The following EBF2 variants were observed in gnomAD, a reference collection of about 807,000 sequenced individuals.
The protein encoded by EBF2 is EBF transcription factor 2, also known as transcription factor COE2.
In EBF2, 21 loss-of-function variants were observed where a neutral mutation model predicts 72.8. The ratio of observed to expected loss-of-function variants is 0.29; its 90% CI spans 0.20 to 0.42. EBF2 has a LOEUF of 0.42. Ranked by LOEUF, EBF2 falls within the 10% of genes least tolerant of loss-of-function variation. The probability of loss-of-function intolerance (pLI) is 1.00; values close to 1 mark genes in which losing one functional copy is unlikely to be tolerated. For missense variants in EBF2, 637 were observed against 731.2 expected (o/e 0.87, Z 1.49); for synonymous variants, 299 against 274.2 (o/e 1.09, Z -0.89).
chr8:25,846,365 G>A (rs976695828), intron 15 of EBF2, among the ~76,000 whole-genome samples: 1 of 152,096 alleles, frequency 6.6e-6, no homozygotes, highest in Non-Finnish European at 1.5e-5. Flanking sequence ...CATGCTGTAT[G>A]TGGAGCTCTC....
At chr8:25,867,037 A>G (rs1802343458) in intron 10 of EBF2, among the ~76,000 whole-genome samples, 2 of 152,296 alleles carry the variant, frequency 1.3e-5, no homozygotes, top group South Asian at 4.1e-4. Flanking sequence ...TTAATACCAG[A>G]TTCAACCATT....
intron 6 of EBF2, among the ~76,000 whole-genome samples, chr8:26,003,193 T>A (rs4573292): frequency 0.66 from 99,666 of 151,870 alleles, 33,269 homozygotes; most frequent in African/African-American, 0.76. Flanking sequence ...CTGGGAGGGT[T>A]CCATGGATAA....
At chr8:25,917,311 T>C (rs1266039266) in intron 6 of EBF2, among the ~76,000 whole-genome samples, 1 of 152,084 alleles carries the variant, frequency 6.6e-6, no homozygotes, top group African/African-American at 2.4e-5. Context: ...GGAAAAGTCC[T>C]TGTTTTTGTA....
chr8:26,023,264 G>T (rs1205311855), intron 6 of EBF2, among the ~76,000 whole-genome samples: 1 of 152,158 alleles, frequency 6.6e-6, no homozygotes, highest in Non-Finnish European at 1.5e-5. Context: ...AAGCCAGCTG[G>T]ATAAGTTTGC....
intron 6 of EBF2, among the ~76,000 whole-genome samples, chr8:25,991,054 G>A (rs1327189591): frequency 6.6e-6 from 1 of 152,086 alleles, no homozygotes; most frequent in Admixed American, 6.5e-5. Context: ...TTTGAATACA[G>A]TTTTCTCATC....
chr8:25,986,480 C>T (rs556287423), intron 6 of EBF2, among the ~76,000 whole-genome samples: 125 of 152,308 alleles, frequency 8.2e-4, no homozygotes, highest in Non-Finnish European at 1.6e-3. Context: ...GTCATGTCCA[C>T]CACGGCACCA....
At chr8:25,869,759 A>C (rs1668226461) in intron 10 of EBF2, among the ~76,000 whole-genome samples, 1 of 152,206 alleles carries the variant, frequency 6.6e-6, no homozygotes, top group Non-Finnish European at 1.5e-5. Context: ...AATATGCAAT[A>C]GTGAAAATCA....
chr8:26,026,961 C>G (rs913294139), intron 6 of EBF2, among the ~76,000 whole-genome samples: 1 of 152,186 alleles, frequency 6.6e-6, no homozygotes, highest in African/African-American at 2.4e-5. Context: ...GCCCAACATA[C>G]AATAAGTGCC....
intron 6 of EBF2, among the ~76,000 whole-genome samples, chr8:25,997,229 G>A (rs749357470): frequency 2.0e-5 from 3 of 151,994 alleles, no homozygotes; most frequent in Admixed American, 6.6e-5. Context: ...AAGCCCCAAA[G>A]ACACATTCTC....
At chr8:26,002,987 C>A (rs937656573) in intron 6 of EBF2, among the ~76,000 whole-genome samples, 1 of 151,754 alleles carries the variant, frequency 6.6e-6, no homozygotes, top group Admixed American at 6.6e-5. Context: ...TGGACAGCTC[C>A]CAGACAGCTC....
In EBF2 at chr8:25,844,527, C is replaced by G; in HGVS notation, c.*82G>C. The G allele has an allele frequency of 6.5e-7, 1 of 1,534,282 alleles. No homozygotes were observed. Among genetic ancestry groups the G allele is most frequent in the Non-Finnish European group, 9.0e-7 (1 of 1,108,804 alleles). On this transcript the variant is annotated 3_prime_UTR_variant, in exon 16 of 16. Coordinates refer to ENST00000520164, the MANE Select transcript of EBF2 (RefSeq NM_022659.4). ...ATGTTCATGTGGGGGCACCACTACA[C>G]CCCCAAAAGAGCTCCTAGTGCTTTC... is the stretch of plus-strand genomic sequence containing the variant.
chr8:26,032,982 A>C, intron 6 of EBF2, 103 bp downstream of exon 6: 1 of 1,163,670 alleles, frequency 8.6e-7, no homozygotes, highest in Non-Finnish European at 1.3e-6. Context: ...TTGAAATAAC[A>C]TGAAACCAAC....
At chr8:26,004,917 G>A (rs558581371) in intron 6 of EBF2, among the ~76,000 whole-genome samples, 11 of 151,666 alleles carry the variant, frequency 7.3e-5, no homozygotes, top group African/African-American at 2.7e-4. Context: ...TATTCCTAAA[G>A]AATAGAACAG....
intron 6 of EBF2, among the ~76,000 whole-genome samples, chr8:26,015,797 C>G (rs1025562286): frequency 1.3e-5 from 2 of 152,172 alleles, no homozygotes; most frequent in Non-Finnish European, 2.9e-5. Context: ...TGTGGCAAAG[C>G]CTAGGCCAAT....
chr8:25,997,777 G>C (rs920758035), intron 6 of EBF2, among the ~76,000 whole-genome samples: 2 of 151,982 alleles, frequency 1.3e-5, no homozygotes, highest in Non-Finnish European at 2.9e-5. Context: ...TTAGACTATG[G>C]GGCAATCCCA....
At position 25,882,238 on chromosome 8, in the gene EBF2, G is replaced by C. The variant is rs147136331; in HGVS notation, c.1009+4517C>G. 2.6e-5 allele frequency among the ~76,000 whole-genome samples: 4 copies of C among 152,292 alleles called. No individual in the cohort carries two copies. In the East Asian group the frequency reaches 7.7e-4, roughly 29 times the overall value. Reference sequence around the variant, plus strand: ...GCCTGCCCGTCTGCATGCTCCCCTAGAGGTCTGAACAGTGAGGCACTGAAG... The same window carrying C: ...GCCTGCCCGTCTGCATGCTCCCCTACAGGTCTGAACAGTGAGGCACTGAAG... On this transcript the variant is annotated intron_variant, in intron 10 of 15. Transcript: ENST00000520164.
Position 26,041,124 on chromosome 8 carries a change from C to A in EBF2, c.289-122G>T, listed in dbSNP as rs182146952. ...CATCAAAAGGCAGCTTTGAGTAACCCCCTGTTCAGCCCTAGGTCAAAGGGC... is the reference window on the plus strand; with the variant it reads ...CATCAAAAGGCAGCTTTGAGTAACCACCTGTTCAGCCCTAGGTCAAAGGGC... On this transcript the variant is annotated intron_variant, in intron 2 of 15. Coordinates refer to ENST00000520164, the MANE Select transcript of EBF2 (RefSeq NM_022659.4). 95 of 1,094,594 alleles carry A rather than the reference C, an allele frequency of 8.7e-5. No individual in the cohort carries two copies. The African/African-American group carries it at 1.4e-3, about 16-fold the overall frequency. 67.8% of individuals were successfully genotyped at this position (1,094,594 alleles called of 1,614,324 possible). A position where few individuals can be genotyped will look rare whatever the true frequency, so the allele number is the denominator to read the frequency against.
intron 6 of EBF2, among the ~76,000 whole-genome samples, chr8:26,018,279 A>G (rs1311942761): frequency 6.6e-6 from 1 of 151,488 alleles, no homozygotes; most frequent in East Asian, 1.9e-4. Context: ...GAGACAGAAA[A>G]AAAAGACAGA....
intron 6 of EBF2, among the ~76,000 whole-genome samples, chr8:25,958,557 T>C (rs982197974): frequency 1.3e-5 from 2 of 152,206 alleles, no homozygotes; most frequent in African/African-American, 4.8e-5. Context: ...CAAATCCCCA[T>C]TTCCTGCTGC....
Sources: gnomAD v4.1 joint callset for allele counts (sites outside exome capture counted in the v4.1 genomes callset) on GRCh38, gnomAD v4.1.1 for gene constraint, MANE v1.5 for transcripts, NCBI Gene and HGNC (gene_info 2026-07-23, HGNC 2026-07-21) for gene names.